CNTNAP5: variants seen among roughly 807,000 people sequenced by gnomAD.
The protein encoded by CNTNAP5 is contactin associated protein family member 5, also known as contactin-associated protein-like 5.
Under a neutral mutation model 150.2 loss-of-function variants are expected in CNTNAP5, and 72 were observed. That is an observed-to-expected ratio of 0.48 (90% CI 0.40 to 0.58). The LOEUF (loss-of-function observed/expected upper bound fraction) is 0.58. Among genes scored for constraint, CNTNAP5 ranks in the 20% least tolerant of loss-of-function variants. The pLI is 0.00. For synonymous variants in CNTNAP5, 672 were observed against 619.8 expected, an observed-to-expected ratio of 1.08 and a Z score of -1.25; for missense variants, 1,636 against 1,626.2, an observed-to-expected ratio of 1.01 and a Z score of -0.10.
intron 16 of CNTNAP5, 97 bp from the exon 17 acceptor site, chr2:124,772,702 A>G: frequency 2.3e-6 from 2 of 863,282 alleles, no homozygotes; most frequent in Non-Finnish European, 3.9e-6. Flanking sequence ...TCTTCTCTAT[A>G]TTGATACTGA....
intron 3 of CNTNAP5, among the ~76,000 whole-genome samples, chr2:124,257,382 G>T (rs1186396): frequency 1.3e-5 from 2 of 151,950 alleles, no homozygotes; most frequent in African/African-American, 4.8e-5. Context: ...TTCCTCCAGG[G>T]CACCTAGCAC....
At chr2:124,530,129 T>C (rs952913432) in intron 10 of CNTNAP5, among the ~76,000 whole-genome samples, 1 of 152,072 alleles carries the variant, frequency 6.6e-6, no homozygotes, top group Non-Finnish European at 1.5e-5. Context: ...CTGGCCAATA[T>C]GGTAATATCC....
At chr2:124,582,687 G>A (rs1220781640) in intron 11 of CNTNAP5, among the ~76,000 whole-genome samples, 2 of 151,854 alleles carry the variant, frequency 1.3e-5, no homozygotes, top group Non-Finnish European at 2.9e-5. Context: ...TATAATCCAT[G>A]AAAGTTTTTT....
At chr2:124,267,893 A>G (rs1687653481) in intron 3 of CNTNAP5, among the ~76,000 whole-genome samples, 1 of 152,196 alleles carries the variant, frequency 6.6e-6, no homozygotes, top group African/African-American at 2.4e-5. Context: ...ACTTTAAAAT[A>G]TGCAGCTTCC....
At chr2:124,384,086 A>C (rs920188077) in intron 3 of CNTNAP5, among the ~76,000 whole-genome samples, 1 of 152,170 alleles carries the variant, frequency 6.6e-6, no homozygotes, top group Non-Finnish European at 1.5e-5. Context: ...GTATAATTTT[A>C]AACATACATT....
At chr2:124,676,399 C>T (rs1034980620) in intron 13 of CNTNAP5, among the ~76,000 whole-genome samples, 2 of 152,210 alleles carry the variant, frequency 1.3e-5, no homozygotes, top group Admixed American at 6.5e-5. Context: ...CCCTTATTGT[C>T]ATACCATTCC....
chr2:124,860,164 A>G (rs1178582937), intron 19 of CNTNAP5, among the ~76,000 whole-genome samples: 7 of 2,240 alleles, frequency 3.1e-3, no homozygotes, highest in Non-Finnish European at 4.4e-3. Flanking sequence ...ATCCTGGCTA[A>G]CATGGTGAAA....
chr2:124,170,539 A>T (rs2104663203), intron 1 of CNTNAP5, among the ~76,000 whole-genome samples: 1 of 152,294 alleles, frequency 6.6e-6, no homozygotes, highest in South Asian at 2.1e-4. Flanking sequence ...GGCAGGCAAG[A>T]GTGCCGCAGC....
At chr2:124,626,303 A>C (rs147403776) in intron 12 of CNTNAP5, among the ~76,000 whole-genome samples, 134 of 152,252 alleles carry the variant, frequency 8.8e-4, no homozygotes, top group African/African-American at 2.9e-3. Context: ...GAAAAGAAAC[A>C]GCTCTAGCCT....
intron 6 of CNTNAP5, among the ~76,000 whole-genome samples, chr2:124,465,060 A>T (rs986647819): frequency 1.3e-5 from 2 of 152,178 alleles, no homozygotes; most frequent in Non-Finnish European, 2.9e-5. Context: ...ACAGGACCAG[A>T]GAAAAAGCCA....
intron 1 of CNTNAP5, among the ~76,000 whole-genome samples, chr2:124,125,009 T>C (rs1193567263): frequency 6.6e-6 from 1 of 152,146 alleles, no homozygotes; most frequent in Non-Finnish European, 1.5e-5. Context: ...CATCAACTAA[T>C]GAGCAAAACA....
chr2:124,540,692 A>T (rs1695360040), intron 10 of CNTNAP5, among the ~76,000 whole-genome samples: 1 of 151,956 alleles, frequency 6.6e-6, no homozygotes. Context: ...TCATTCATTC[A>T]TTCATTCATT....
intron 1 of CNTNAP5, 85 bp from the exon 2 acceptor site, chr2:124,221,603 GGTTAATAAATGATGGTA>G: frequency 1.3e-6 from 1 of 761,968 alleles, no homozygotes; most frequent in Non-Finnish European, 2.2e-6. Flanking sequence ...CAGAGCAGGT[GGTTAATAAATGATGGTA>G]GTTAATTTCT....
intron 1 of CNTNAP5, among the ~76,000 whole-genome samples, chr2:124,218,800 C>T (rs1249104967): frequency 6.6e-6 from 1 of 152,140 alleles, no homozygotes; most frequent in African/African-American, 2.4e-5. Flanking sequence ...GCCTGAGAGT[C>T]TGGACTGATA....
At chr2:124,827,862 C>G (rs531925838) in intron 19 of CNTNAP5, among the ~76,000 whole-genome samples, 2 of 152,218 alleles carry the variant, frequency 1.3e-5, no homozygotes, top group African/African-American at 4.8e-5. Flanking sequence ...GTTTTCTTCC[C>G]CCACTTCCCT....
At chr2:124,165,775 G>C (rs1239282948) in intron 1 of CNTNAP5, among the ~76,000 whole-genome samples, 1 of 152,130 alleles carries the variant, frequency 6.6e-6, no homozygotes, top group African/African-American at 2.4e-5. Context: ...GGAGGGATCT[G>C]TCCCTGCCTC....
At chr2:124,590,705 G>T (rs1425448303) in intron 11 of CNTNAP5, among the ~76,000 whole-genome samples, 1 of 152,114 alleles carries the variant, frequency 6.6e-6, no homozygotes, top group African/African-American at 2.4e-5. Context: ...ATATTATATT[G>T]CTGGGGACAT....
intron 3 of CNTNAP5, among the ~76,000 whole-genome samples, chr2:124,277,839 A>C (rs1687920459): frequency 6.6e-6 from 1 of 152,144 alleles, no homozygotes; most frequent in Non-Finnish European, 1.5e-5. Context: ...ATCTAGATTC[A>C]TTTGCAGTCA....
intron 13 of CNTNAP5, among the ~76,000 whole-genome samples, chr2:124,651,754 A>C (rs1678327360): frequency 6.6e-6 from 1 of 152,214 alleles, no homozygotes. Context: ...CGCACCAAGC[A>C]CTGTCTCTGT....
Sources: gnomAD v4.1 joint callset for allele counts (sites outside exome capture counted in the v4.1 genomes callset) on GRCh38, gnomAD v4.1.1 for gene constraint, MANE v1.5 for transcripts, NCBI Gene and HGNC (gene_info 2026-07-23, HGNC 2026-07-21) for gene names.